The following GRM1 variants were observed in gnomAD, a reference collection of about 807,000 sequenced individuals.
GRM1 encodes the protein metabotropic glutamate receptor 1.
A neutral mutation model predicts 90.9 loss-of-function variants in GRM1; 33 were observed. That is an observed-to-expected ratio of 0.36 (90% confidence interval 0.28 to 0.49). GRM1 has a LOEUF of 0.49. Among genes scored for constraint, GRM1 ranks in the 20% least tolerant of loss-of-function variants. GRM1 has a pLI of 0.99. For synonymous variants in GRM1, 700 were observed against 613.2 expected (o/e 1.14, Z -2.09); for missense variants, 1,190 against 1,534.3 (o/e 0.78, Z 3.75).
At chr6:146,426,789 TA>T in intron 7 of GRM1, 1 of 601,702 alleles carries the variant, frequency 1.7e-6, no homozygotes, top group Non-Finnish European at 3.0e-6. Context: ...ACGACTGCCT[TA>T]AATTGATTGT....
intron 2 of GRM1, among the ~76,000 whole-genome samples, chr6:146,161,291 A>G (rs1358435654): frequency 6.6e-6 from 1 of 152,200 alleles, no homozygotes; most frequent in Non-Finnish European, 1.5e-5. Context: ...TTCGGGGCAT[A>G]TAGACTACCT....
chr6:146,368,083 CTT>C (rs1187710124), intron 5 of GRM1, among the ~76,000 whole-genome samples: 1 of 151,908 alleles, frequency 6.6e-6, no homozygotes, highest in African/African-American at 2.4e-5. Context: ...TATTTTATCT[CTT>C]GGGTTAAATT....
At chr6:146,361,545 G>A (rs1775470926) in intron 5 of GRM1, among the ~76,000 whole-genome samples, 1 of 152,136 alleles carries the variant, frequency 6.6e-6, no homozygotes, top group Admixed American at 6.5e-5. Context: ...AAGGAGAAGG[G>A]AAGTAATGGA....
chr6:146,117,982 ACT>A (rs998234504), intron 1 of GRM1, among the ~76,000 whole-genome samples: 38 of 151,572 alleles, frequency 2.5e-4, no homozygotes, highest in African/African-American at 9.0e-4. Context: ...ATTACTTAAT[ACT>A]CTGTCTCCTT....
chr6:146,384,800 T>TA (rs1024692962), intron 5 of GRM1, among the ~76,000 whole-genome samples: 1 of 151,746 alleles, frequency 6.6e-6, no homozygotes, highest in Non-Finnish European at 1.5e-5. Flanking sequence ...AATGACAATA[T>TA]AAAAAATAAC....
intron 2 of GRM1, among the ~76,000 whole-genome samples, chr6:146,288,949 C>T (rs1188867622): frequency 6.6e-6 from 1 of 152,062 alleles, no homozygotes; most frequent in African/African-American, 2.4e-5. Flanking sequence ...TTGTGGTGAT[C>T]CCAGTATAAA....
intron 3 of GRM1, among the ~76,000 whole-genome samples, chr6:146,334,616 C>T (rs770781435): frequency 7.9e-5 from 12 of 152,130 alleles, no homozygotes; most frequent in Non-Finnish European, 1.6e-4. Flanking sequence ...TTGCATTGGT[C>T]AGTATGAATA....
chr6:146,038,939 C>G (rs1365077535), intron 1 of GRM1, among the ~76,000 whole-genome samples: 1 of 151,224 alleles, frequency 6.6e-6, no homozygotes, highest in African/African-American at 2.4e-5. Flanking sequence ...ATTCAATATC[C>G]TTTTTTTTCG....
Position 146,138,915 on chromosome 6 carries a change from A to T in GRM1, c.701-20433A>T, listed in dbSNP as rs73571257. ...TTCTAGTTCTTTAAGATGCATACTT[A>T]GGTTGTTTATTTGAAATGTTCTTTT... On this transcript the variant is annotated intron_variant, in intron 1 of 7. Transcript: ENST00000282753. 1.0e-2 allele frequency among the ~76,000 whole-genome samples: 1,508 copies of T among 150,986 alleles called. 22 individuals carry two copies. Among genetic ancestry groups the T allele is most frequent in the African/African-American group, 0.035 (1,429 of 41,196 alleles).
chr6:146,159,628 C>G lies in GRM1; in HGVS notation c.950+31C>G, dbSNP rs778673099. On this transcript the variant is annotated intron_variant, in intron 2 of 7. Coordinates refer to ENST00000282753, the MANE Select transcript of GRM1 (RefSeq NM_001278064.2). ...TTTCTCTCTCTCTCTCTCTCTCTCT[C>G]TCTCTCTCTCTCTCACACACACACA... 3 of 1,539,992 alleles carry G rather than the reference C, an allele frequency of 1.9e-6. No individual in the cohort carries two copies. In the South Asian group the frequency reaches 3.4e-5, roughly 17 times the overall value.
chr6:146,301,161 T>C (rs1296979242), intron 2 of GRM1, among the ~76,000 whole-genome samples: 1 of 152,168 alleles, frequency 6.6e-6, no homozygotes, highest in Non-Finnish European at 1.5e-5. Context: ...CAAGAAATCC[T>C]ACTTGAATGT....
chr6:146,241,940 C>A (rs922229621), intron 2 of GRM1, among the ~76,000 whole-genome samples: 3 of 152,068 alleles, frequency 2.0e-5, no homozygotes, highest in African/African-American at 4.8e-5. Flanking sequence ...GACCAATAAC[C>A]AGGGAAGCCT....
chr6:146,098,906 A>T (rs1007801163), intron 1 of GRM1, among the ~76,000 whole-genome samples: 2 of 151,984 alleles, frequency 1.3e-5, no homozygotes, highest in African/African-American at 4.8e-5. Context: ...GCCATGCCAA[A>T]CTGTGAGTCA....
intron 2 of GRM1, among the ~76,000 whole-genome samples, chr6:146,173,716 G>T (rs1242427541): frequency 6.6e-6 from 1 of 151,090 alleles, no homozygotes; most frequent in South Asian, 2.1e-4. Flanking sequence ...GCCCAGGCTG[G>T]AGTGCAATGG....
chr6:146,215,429 A>T (rs1419528279), intron 2 of GRM1, among the ~76,000 whole-genome samples: 1 of 151,784 alleles, frequency 6.6e-6, no homozygotes, highest in East Asian at 1.9e-4. Context: ...TCTCCATCAT[A>T]CTTCCTAATA....
chr6:146,118,297 G>A (rs1290329053), intron 1 of GRM1, among the ~76,000 whole-genome samples: 11 of 151,540 alleles, frequency 7.3e-5, no homozygotes, highest in African/African-American at 1.5e-4. Context: ...CCACCACGAC[G>A]CCCAGCTAAT....
intron 1 of GRM1, among the ~76,000 whole-genome samples, chr6:146,065,888 T>C (rs1387601279): frequency 6.6e-6 from 1 of 151,996 alleles, no homozygotes; most frequent in Non-Finnish European, 1.5e-5. Context: ...ATGCTCCATG[T>C]GGTTGTATAA....
chr6:146,297,174 T>C (rs1761715930), intron 2 of GRM1, among the ~76,000 whole-genome samples: 1 of 152,154 alleles, frequency 6.6e-6, no homozygotes. Flanking sequence ...ATTTTTTTTT[T>C]TTTTGAGATG....
intron 7 of GRM1, among the ~76,000 whole-genome samples, chr6:146,415,849 G>A (rs1428081019): frequency 6.6e-6 from 1 of 152,108 alleles, no homozygotes; most frequent in Non-Finnish European, 1.5e-5. Flanking sequence ...AGATTCTTCT[G>A]TATCAGTTGA....
Sources: allele counts gnomAD v4.1 joint callset (sites outside exome capture counted in the v4.1 genomes callset), GRCh38; gene constraint gnomAD v4.1.1; transcripts MANE v1.5; gene names NCBI Gene and HGNC (gene_info 2026-07-23, HGNC 2026-07-21).